The following ZNF236 variants were observed in gnomAD, a reference collection of about 807,000 sequenced individuals.
ZNF236 encodes zinc finger protein 236.
ZNF236 carries 50 observed loss-of-function variants against 191.2 expected under a neutral mutation model. The ratio of observed to expected loss-of-function variants is 0.26; its 90% CI spans 0.21 to 0.33. The LOEUF (loss-of-function observed/expected upper bound fraction) is 0.33, where lower values mean the gene tolerates loss of function less well. ZNF236 is among the 10% of genes least tolerant of loss of function. The pLI, the probability that ZNF236 is intolerant of heterozygous loss-of-function variation, is 1.00. For missense variants in ZNF236, 1,754 were observed against 2,374.5 expected (o/e 0.74, Z 5.43); for synonymous variants, 907 against 928.8 (o/e 0.98, Z 0.43).
intron 1 of ZNF236, among the ~76,000 whole-genome samples, chr18:76,846,144 G>C (rs1435697324): frequency 2.0e-5 from 3 of 151,970 alleles, no homozygotes; most frequent in African/African-American, 7.3e-5. Flanking sequence ...AATAGAGACA[G>C]TCTCGCTATA....
At chr18:76,868,624 G>C in intron 3 of ZNF236, 61 bp from the exon 4 acceptor site, 3 of 1,426,226 alleles carry the variant, frequency 2.1e-6, no homozygotes, top group South Asian at 1.4e-5. Flanking sequence ...GATCATACCA[G>C]TTCTTTGAAG....
At chr18:76,838,362 A>G (rs1975393006) in intron 1 of ZNF236, among the ~76,000 whole-genome samples, 1 of 152,254 alleles carries the variant, frequency 6.6e-6, no homozygotes, top group African/African-American at 2.4e-5. Context: ...TGCATAGTGC[A>G]TGTAAACCTT....
chr18:76,932,621 A>G (rs970635031), intron 25 of ZNF236, among the ~76,000 whole-genome samples: 2 of 152,154 alleles, frequency 1.3e-5, no homozygotes, highest in African/African-American at 4.8e-5. Flanking sequence ...GTCTGGATTC[A>G]TGCCCTGCTG....
At chr18:76,921,839 G>A (rs1012789681) in intron 20 of ZNF236, among the ~76,000 whole-genome samples, 2 of 149,072 alleles carry the variant, frequency 1.3e-5, no homozygotes, top group Admixed American at 6.8e-5. Context: ...AGAACGGGAC[G>A]TTCTTATAGC....
At chr18:76,957,284 A>G (rs988420323) in intron 28 of ZNF236, among the ~76,000 whole-genome samples, 1 of 152,150 alleles carries the variant, frequency 6.6e-6, no homozygotes, top group Non-Finnish European at 1.5e-5. Context: ...TGTGACCAGG[A>G]TGGCTTTTTT....
chr18:76,830,308 A>G (rs1209421668), intron 1 of ZNF236, among the ~76,000 whole-genome samples: 1 of 152,178 alleles, frequency 6.6e-6, no homozygotes, highest in African/African-American at 2.4e-5. Flanking sequence ...ATAAGTATAT[A>G]GTATTACATT....
rs750534272 is a variant in ZNF236 at position 76,881,511 on chromosome 18, T to C, written c.1416T>C (p.Pro472=). 78 of 1,607,790 alleles carry C rather than the reference T, an allele frequency of 4.9e-5. No homozygotes were observed. Among genetic ancestry groups the C allele is most frequent in the Non-Finnish European group, 6.6e-5 (78 of 1,178,358 alleles). ...KMIKKKSPFL[P]GSIREENGVR... ...TAAAGAAGAAGTCACCGTTTCTACC[T>C]GGTAATTTTCCTAAACTTTAAAGTT... is the stretch of plus-strand genomic sequence containing the variant. The change falls in exon 9 of 31, where the codon CCT becomes CCC. Residue 472 remains proline (P), a splice_region_variant and synonymous_variant. Coordinates refer to ENST00000320610, the MANE Select transcript of ZNF236 (RefSeq NM_001306089.2).
intron 19 of ZNF236, among the ~76,000 whole-genome samples, chr18:76,918,397 T>C (rs1599393074): frequency 6.6e-6 from 1 of 152,218 alleles, no homozygotes; most frequent in East Asian, 1.9e-4. Context: ...AGATCACTTA[T>C]AATACCTAAT....
intron 30 of ZNF236, among the ~76,000 whole-genome samples, chr18:76,962,270 C>T (rs1259627420): frequency 2.0e-5 from 3 of 152,100 alleles, no homozygotes; most frequent in East Asian, 3.8e-4. Flanking sequence ...ATTCTCCTAA[C>T]GTGTGGCTAG....
chr18:76,962,875 G>A (rs1258549168), intron 30 of ZNF236, among the ~76,000 whole-genome samples: 1 of 152,044 alleles, frequency 6.6e-6, no homozygotes, highest in East Asian at 1.9e-4. Context: ...TTGATTCTCA[G>A]CTTGGTTGCT....
intron 26 of ZNF236, among the ~76,000 whole-genome samples, chr18:76,944,033 A>G (rs919247645): frequency 1.3e-5 from 2 of 152,202 alleles, no homozygotes; most frequent in Non-Finnish European, 2.9e-5. Flanking sequence ...GCCTTTCATC[A>G]GTATCCAGCC....
In ZNF236 at chr18:76,910,945, G is replaced by C. The variant is rs1378200932; in HGVS notation, c.2805+134G>C. The C allele has an allele frequency of 4.9e-5, 45 of 913,956 alleles. 1 individual carries two copies. Among genetic ancestry groups the C allele is most frequent in the Non-Finnish European group, 6.7e-5 (42 of 629,180 alleles). The allele number at this position is 913,956 out of a possible 1,614,324, so 56.6% of individuals were successfully genotyped here. A position where few individuals can be genotyped will look rare whatever the true frequency, so the allele number is the denominator to read the frequency against. ...CACTTCTTGTAGCATTAAGGTTACTGCATTACCTGGGAAATCCTCAGTGTT... is the reference window on the plus strand; with the variant it reads ...CACTTCTTGTAGCATTAAGGTTACTCCATTACCTGGGAAATCCTCAGTGTT... On this transcript the variant is annotated intron_variant, in intron 16 of 30. Coordinates refer to ENST00000320610, the MANE Select transcript of ZNF236 (RefSeq NM_001306089.2).
intron 3 of ZNF236, among the ~76,000 whole-genome samples, chr18:76,866,323 A>G (rs1188710443): frequency 6.6e-6 from 1 of 152,090 alleles, no homozygotes. Context: ...TTTGGGGTTT[A>G]TTTTGTGTGT....
At chr18:76,951,094 G>A (rs1357479702) in intron 27 of ZNF236, among the ~76,000 whole-genome samples, 2 of 152,294 alleles carry the variant, frequency 1.3e-5, no homozygotes, top group Non-Finnish European at 1.5e-5. Context: ...AGGCTTTATT[G>A]TTTCATTTGT....
At position 76,858,359 on chromosome 18, in the gene ZNF236, TC is replaced by T. The variant is rs1003043047; in HGVS notation, c.363+6426del. ...ATTGATAAATTTGCCAGATCTCACCTCCCCCCTTCTCCCTTTTTTGAACAAT... is the reference window on the plus strand; with the variant it reads ...ATTGATAAATTTGCCAGATCTCACCTCCCCCTTCTCCCTTTTTTGAACAAT... On this transcript the variant is annotated intron_variant, in intron 3 of 30. Coordinates refer to ENST00000320610, the MANE Select transcript of ZNF236 (RefSeq NM_001306089.2). Among the ~76,000 whole-genome samples the T allele has an allele frequency of 1.4e-4, 21 of 152,266 alleles. 1 individual carries two copies. Among genetic ancestry groups the T allele is most frequent in the Middle Eastern group, 6.8e-3 (2 of 294 alleles).
rs73488937 is a variant in ZNF236, at chr18:76,926,501, G to A, written c.4028-536G>A. 7.9e-3 allele frequency among the ~76,000 whole-genome samples: 1,195 copies of A among 152,150 alleles called. 16 individuals are homozygous for A. The highest frequency in any genetic ancestry group is 0.027 in the African/African-American group (1,138 of 41,488). On this transcript the variant is annotated intron_variant, in intron 22 of 30. Coordinates refer to ENST00000320610, the MANE Select transcript of ZNF236 (RefSeq NM_001306089.2). Reference sequence around the variant, plus strand: ...TATAATGGGTGATTAGACAGTATATGTGCGTATATGGTAGAAAGTAGGTTT... The same window carrying A: ...TATAATGGGTGATTAGACAGTATATATGCGTATATGGTAGAAAGTAGGTTT...
At chr18:76,838,630 G>A (rs2122440853) in intron 1 of ZNF236, among the ~76,000 whole-genome samples, 1 of 152,240 alleles carries the variant, frequency 6.6e-6, no homozygotes, top group South Asian at 2.1e-4. Context: ...AAACCTTTGT[G>A]TACCAAAAAA....
chr18:76,869,907 G>T (rs1599349506), intron 4 of ZNF236, among the ~76,000 whole-genome samples: 1 of 152,196 alleles, frequency 6.6e-6, no homozygotes, highest in Non-Finnish European at 1.5e-5. Flanking sequence ...AGTGAGCCGA[G>T]ATCGTGCCAC....
intron 25 of ZNF236, among the ~76,000 whole-genome samples, chr18:76,934,933 G>A (rs1284330587): frequency 1.3e-5 from 2 of 152,190 alleles, no homozygotes; most frequent in Admixed American, 6.5e-5. Flanking sequence ...TTTGATGAGC[G>A]TACAGTTTAT....
Sources: gnomAD v4.1 joint callset for allele counts (sites outside exome capture counted in the v4.1 genomes callset) on GRCh38, gnomAD v4.1.1 for gene constraint, MANE v1.5 for transcripts, NCBI Gene and HGNC (gene_info 2026-07-23, HGNC 2026-07-21) for gene names.